The following GSK3B variants were observed in gnomAD, a reference collection of about 807,000 sequenced individuals.
GSK3B encodes glycogen synthase kinase 3 beta, also known as glycogen synthase kinase-3 beta.
In GSK3B, 15 loss-of-function variants were observed where a neutral mutation model predicts 56.4. The ratio of observed to expected loss-of-function variants is 0.27; its 90% CI spans 0.18 to 0.41. GSK3B has a LOEUF of 0.41. Among genes scored for constraint, GSK3B ranks in the 10% least tolerant of loss-of-function variants. The pLI, the probability that GSK3B is intolerant of heterozygous loss-of-function variation, is 1.00. For synonymous variants in GSK3B, 181 were observed against 188.9 expected (o/e 0.96, Z 0.34); for missense variants, 300 against 513.4 (o/e 0.58, Z 4.02).
chr3:119,994,916 A>AT (rs1321595308), intron 2 of GSK3B, among the ~76,000 whole-genome samples: 14 of 152,204 alleles, frequency 9.2e-5, no homozygotes, highest in African/African-American at 3.4e-4. Flanking sequence ...TAATTTCTTG[A>AT]TTTTTTTATA....
intron 1 of GSK3B, among the ~76,000 whole-genome samples, chr3:120,009,572 C>G (rs752539785): frequency 6.6e-6 from 1 of 152,130 alleles, no homozygotes; most frequent in African/African-American, 2.4e-5. Flanking sequence ...CCATCATTCT[C>G]AGCAAACTAT....
chr3:119,965,514 T>C (rs994436303), intron 2 of GSK3B, among the ~76,000 whole-genome samples: 6 of 152,112 alleles, frequency 3.9e-5, no homozygotes, highest in Non-Finnish European at 7.4e-5. Context: ...GCCCAGCCTA[T>C]GCTTTATTTT....
chr3:120,084,554 G>C (rs950845219), intron 1 of GSK3B: 2 of 152,162 alleles, frequency 1.3e-5, no homozygotes, highest in African/African-American at 4.8e-5. Context: ...TGATTTAGGA[G>C]CAGAATGAAA....
intron 1 of GSK3B, among the ~76,000 whole-genome samples, chr3:120,054,365 A>T (rs1024376456): frequency 1.3e-5 from 2 of 151,832 alleles, no homozygotes; most frequent in African/African-American, 4.8e-5. Flanking sequence ...TCACCTCTAT[A>T]TCCTCCACTT....
intron 1 of GSK3B, among the ~76,000 whole-genome samples, chr3:120,086,204 A>G (rs1316994960): frequency 6.6e-6 from 1 of 152,164 alleles, no homozygotes; most frequent in Non-Finnish European, 1.5e-5. Flanking sequence ...GGAAAAAAAA[A>G]AAAACAGAAA....
chr3:119,851,864 C>A (rs549104072), intron 9 of GSK3B, among the ~76,000 whole-genome samples: 10 of 152,146 alleles, frequency 6.6e-5, no homozygotes, highest in Non-Finnish European at 1.5e-4. Context: ...TAATGGAGTG[C>A]CCCCATTACA....
intron 3 of GSK3B, among the ~76,000 whole-genome samples, chr3:119,944,623 A>G (rs1223424977): frequency 6.6e-6 from 1 of 152,060 alleles, no homozygotes; most frequent in Admixed American, 6.6e-5. Context: ...CAAGCTCCAC[A>G]TGGCTACACG....
chr3:119,975,174 C>T (rs979840030), intron 2 of GSK3B, among the ~76,000 whole-genome samples: 1 of 152,106 alleles, frequency 6.6e-6, no homozygotes, highest in African/African-American at 2.4e-5. Flanking sequence ...CGGCTGGGCA[C>T]GGTGGCTGAA....
rs903510779 is a variant in GSK3B, at chr3:120,022,094, C to T, written c.89-19855G>A. On this transcript the variant is annotated intron_variant, in intron 1 of 10. Transcript: ENST00000264235. ...CATCTCATGCAACAGAGAAATCTTC[C>T]GTGAAAGGAAGAGTCAATTAATCCA... Among the ~76,000 whole-genome samples, 15 of 152,132 alleles carry T rather than the reference C, an allele frequency of 9.9e-5. No individual in the cohort carries two copies. The East Asian group carries it at 2.3e-3, about 23-fold the overall frequency.
intron 2 of GSK3B, among the ~76,000 whole-genome samples, chr3:119,992,435 A>G (rs2057574371): frequency 6.6e-6 from 1 of 152,134 alleles, no homozygotes; most frequent in Non-Finnish European, 1.5e-5. Flanking sequence ...AATTAGATCA[A>G]TAATTCATAC....
intron 2 of GSK3B, among the ~76,000 whole-genome samples, chr3:119,948,700 TTTTG>T (rs752305896): frequency 2.0e-5 from 3 of 152,152 alleles, no homozygotes; most frequent in Non-Finnish European, 2.9e-5. Flanking sequence ...TACTTTGTTT[TTTTG>T]TTTGTTTGTT....
intron 9 of GSK3B, among the ~76,000 whole-genome samples, chr3:119,851,631 T>C (rs2055932027): frequency 6.6e-6 from 1 of 152,208 alleles, no homozygotes. Context: ...GCAGTCATTA[T>C]ATAAAAGGGA....
At chr3:119,927,748 T>C (rs1246533139) in intron 3 of GSK3B, among the ~76,000 whole-genome samples, 1 of 152,068 alleles carries the variant, frequency 6.6e-6, no homozygotes, top group Non-Finnish European at 1.5e-5. Context: ...CTTGTTCACC[T>C]AAGAAGACCA....
intron 2 of GSK3B, among the ~76,000 whole-genome samples, chr3:119,960,581 T>G (rs2057262137): frequency 6.6e-6 from 1 of 152,184 alleles, no homozygotes; most frequent in African/African-American, 2.4e-5. Context: ...GGTAAAGAGT[T>G]TTACCCATGT....
At chr3:119,862,311 G>A (rs2056114921) in intron 9 of GSK3B, among the ~76,000 whole-genome samples, 1 of 130,176 alleles carries the variant, frequency 7.7e-6, no homozygotes, top group South Asian at 2.7e-4. Flanking sequence ...ACTCATAGGT[G>A]GGAATTGAAC....
Position 119,843,294 on chromosome 3 carries a change from C to T in GSK3B, c.1156G>A (p.Ala386Thr). The change falls in exon 10 of 11, where the codon GCA (alanine) becomes ACA (threonine). Residue 386 changes from alanine to threonine, a missense_variant. By Grantham distance (58) the Ala-to-Thr change is moderately conservative. Coordinates refer to ENST00000264235, the MANE Select transcript of GSK3B (RefSeq NM_001146156.2). Reference sequence around the variant, plus strand: ...GCATTTGTGGGGGTTGAAGCAGCTGCTTGAATCCGAGCATGAGGAGGAATA... The same window carrying T: ...GCATTTGTGGGGGTTGAAGCAGCTGTTTGAATCCGAGCATGAGGAGGAATA... ...ILIPPHARIQ[A>T]AASTPTNATA... The T allele has an allele frequency of 6.2e-7, 1 of 1,611,042 alleles. No homozygotes were observed. Among genetic ancestry groups the T allele is most frequent in the South Asian group, 1.1e-5 (1 of 91,048 alleles).
chr3:119,855,440 A>T (rs2108024457), intron 9 of GSK3B, among the ~76,000 whole-genome samples: 1 of 152,352 alleles, frequency 6.6e-6, no homozygotes, highest in East Asian at 1.9e-4. Context: ...AAGGATCTAG[A>T]ACTAGAAATA....
intron 3 of GSK3B, among the ~76,000 whole-genome samples, 172 bp downstream of exon 3, chr3:119,947,096 G>T (rs1300842497): frequency 6.6e-6 from 1 of 152,134 alleles, no homozygotes; most frequent in Non-Finnish European, 1.5e-5. Flanking sequence ...ATGCTTTCCT[G>T]ATATAACTAA....
chr3:120,058,762 C>T (rs892313727), intron 1 of GSK3B, among the ~76,000 whole-genome samples: 1 of 152,112 alleles, frequency 6.6e-6, no homozygotes, highest in African/African-American at 2.4e-5. Context: ...GTAATCCCAG[C>T]ACTTTGGGAG....
Sources: gnomAD v4.1 joint callset for allele counts (sites outside exome capture counted in the v4.1 genomes callset) on GRCh38, gnomAD v4.1.1 for gene constraint, MANE v1.5 for transcripts, NCBI Gene and HGNC (gene_info 2026-07-23, HGNC 2026-07-21) for gene names.